Variants in LRMDA observed in about 807,000 individuals in gnomAD.
LRMDA encodes the protein leucine-rich melanocyte differentiation-associated protein.
A neutral mutation model predicts 29.8 loss-of-function variants in LRMDA; 18 were observed. The ratio of observed to expected loss-of-function variants is 0.60; its 90% CI spans 0.42 to 0.90. The LOEUF (loss-of-function observed/expected upper bound fraction) is 0.90, where lower values mean the gene tolerates loss of function less well. LRMDA is among the 40% of genes least tolerant of loss of function. LRMDA has a pLI of 0.00. For synonymous variants in LRMDA, 125 were observed against 109.4 expected (o/e 1.14, Z -0.89); for missense variants, 273 against 273.9 (o/e 1.00, Z 0.02).
chr10:75,764,102 A>G (rs1288892212), intron 2 of LRMDA, among the ~76,000 whole-genome samples: 1 of 151,904 alleles, frequency 6.6e-6, no homozygotes, highest in East Asian at 1.9e-4. Flanking sequence ...GATTTATTTC[A>G]TGCTTGCTTT....
intron 5 of LRMDA, among the ~76,000 whole-genome samples, chr10:76,151,705 T>G (rs943340208): frequency 6.6e-6 from 1 of 152,220 alleles, no homozygotes; most frequent in Non-Finnish European, 1.5e-5. Flanking sequence ...TGAATTGCAT[T>G]TTTTCCTGCT....
intron 5 of LRMDA, among the ~76,000 whole-genome samples, chr10:76,149,794 G>A (rs1850403311): frequency 6.6e-6 from 1 of 152,184 alleles, no homozygotes; most frequent in African/African-American, 2.4e-5. Context: ...AAATGTCCCT[G>A]GAGGGGGTGG....
intron 2 of LRMDA, among the ~76,000 whole-genome samples, chr10:76,022,360 C>A (rs1847988719): frequency 6.6e-6 from 1 of 152,212 alleles, no homozygotes; most frequent in South Asian, 2.1e-4. Flanking sequence ...GACTCATGGG[C>A]ACAGCTAGAG....
intron 6 of LRMDA, among the ~76,000 whole-genome samples, chr10:76,422,130 C>G (rs1305491492): frequency 6.6e-6 from 1 of 151,976 alleles, no homozygotes; most frequent in Non-Finnish European, 1.5e-5. Flanking sequence ...CTTGGCATAT[C>G]TTCAGTCTAA....
intron 2 of LRMDA, among the ~76,000 whole-genome samples, chr10:75,845,964 G>A (rs1844628443): frequency 6.6e-6 from 1 of 152,040 alleles, no homozygotes; most frequent in African/African-American, 2.4e-5. Flanking sequence ...TCACAACTTG[G>A]CAGCCTAGCA....
At chr10:76,370,229 A>C (rs1023551727) in intron 6 of LRMDA, among the ~76,000 whole-genome samples, 2 of 152,090 alleles carry the variant, frequency 1.3e-5, no homozygotes, top group African/African-American at 4.8e-5. Flanking sequence ...CCCTAAAATT[A>C]TATAAGGGTA....
chr10:75,806,411 A>C (rs1843853112), intron 2 of LRMDA, among the ~76,000 whole-genome samples: 1 of 152,184 alleles, frequency 6.6e-6, no homozygotes, highest in South Asian at 2.1e-4. Context: ...ACTAGTTCTG[A>C]AATTGTCAAT....
intron 6 of LRMDA, among the ~76,000 whole-genome samples, chr10:76,383,429 T>C: frequency 7.2e-6 from 1 of 138,786 alleles, no homozygotes; most frequent in South Asian, 2.5e-4. Flanking sequence ...TTTTTTTTTT[T>C]TTTTTTTTTT....
intron 6 of LRMDA, among the ~76,000 whole-genome samples, chr10:76,379,984 G>C (rs938455388): frequency 6.6e-6 from 1 of 152,156 alleles, no homozygotes; most frequent in Non-Finnish European, 1.5e-5. Context: ...TCATTCAGAA[G>C]CAAGTTGTTT....
intron 2 of LRMDA, among the ~76,000 whole-genome samples, chr10:75,549,180 T>C (rs1840113855): frequency 6.6e-6 from 1 of 152,188 alleles, no homozygotes; most frequent in Non-Finnish European, 1.5e-5. Context: ...TAGTATTCTA[T>C]TGTGTGAATG....
At chr10:76,174,445 G>C (rs1362595732) in intron 5 of LRMDA, among the ~76,000 whole-genome samples, 1 of 152,122 alleles carries the variant, frequency 6.6e-6, no homozygotes, top group East Asian at 1.9e-4. Flanking sequence ...TCATGACCAA[G>C]TTGGGTTAAT....
intron 2 of LRMDA, among the ~76,000 whole-genome samples, chr10:75,720,991 C>A (rs1426154314): frequency 6.6e-6 from 1 of 152,232 alleles, no homozygotes; most frequent in Non-Finnish European, 1.5e-5. Context: ...TCTGTTTTAA[C>A]TATGCCGTGC....
At chr10:75,615,852 G>C (rs895663579) in intron 2 of LRMDA, among the ~76,000 whole-genome samples, 1 of 152,098 alleles carries the variant, frequency 6.6e-6, no homozygotes, top group Non-Finnish European at 1.5e-5. Flanking sequence ...CCAAAGTGCC[G>C]GATAATGGGT....
At chr10:75,623,027 TAAAC>T (rs1413664899) in intron 2 of LRMDA, among the ~76,000 whole-genome samples, 7 of 152,198 alleles carry the variant, frequency 4.6e-5, no homozygotes, top group Admixed American at 2.0e-4. Context: ...ATTTAACAAA[TAAAC>T]AGGAATCATC....
At chr10:75,901,395 A>G (rs936556280) in intron 2 of LRMDA, among the ~76,000 whole-genome samples, 5 of 152,068 alleles carry the variant, frequency 3.3e-5, no homozygotes, top group Non-Finnish European at 7.4e-5. Context: ...GAAAACAAAT[A>G]TATGCTTGAC....
chr10:75,778,642 G>A (rs12779351), intron 2 of LRMDA, among the ~76,000 whole-genome samples: 56,112 of 152,090 alleles, frequency 0.37, 12,228 homozygotes, highest in South Asian at 0.49. Context: ...CCTACCTTTA[G>A]AGAACTTTCA....
intron 5 of LRMDA, among the ~76,000 whole-genome samples, chr10:76,284,279 G>A (rs1383222237): frequency 2.6e-5 from 4 of 152,096 alleles, no homozygotes; most frequent in Admixed American, 2.0e-4. Context: ...CAACGGTTCC[G>A]AAGAGGACTC....
intron 6 of LRMDA, among the ~76,000 whole-genome samples, chr10:76,489,412 C>T (rs145192448): frequency 2.6e-3 from 392 of 151,150 alleles, no homozygotes; most frequent in African/African-American, 8.3e-3. Context: ...CTCTTTTTTT[C>T]TTAATCTAGC....
chr10:76,349,524 A>G (rs1841149488), intron 6 of LRMDA, among the ~76,000 whole-genome samples: 1 of 152,216 alleles, frequency 6.6e-6, no homozygotes, highest in East Asian at 1.9e-4. Context: ...AATCATACCT[A>G]TTTGATATAA....
Sources: gnomAD v4.1 joint callset for allele counts (sites outside exome capture counted in the v4.1 genomes callset) on GRCh38, gnomAD v4.1.1 for gene constraint, MANE v1.5 for transcripts, NCBI Gene and HGNC (gene_info 2026-07-23, HGNC 2026-07-21) for gene names.